The following SPAG16 variants were observed in gnomAD, a reference collection of about 807,000 sequenced individuals.
SPAG16 encodes sperm associated antigen 16.
A neutral mutation model predicts 80.4 loss-of-function variants in SPAG16; 86 were observed. The observed-to-expected ratio is 1.07, with a 90% CI of 0.90 to 1.28. The LOEUF (loss-of-function observed/expected upper bound fraction) is 1.28. Ranked by LOEUF, SPAG16 falls within the 50% of genes most tolerant of loss-of-function variation. The probability of loss-of-function intolerance (pLI) is 0.00; values close to 1 mark genes in which losing one functional copy is unlikely to be tolerated. For synonymous variants in SPAG16, 294 were observed against 265.9 expected, an observed-to-expected ratio of 1.11 and a Z score of -1.03; for missense variants, 870 against 765.3, an observed-to-expected ratio of 1.14 and a Z score of -1.61.
intron 15 of SPAG16, among the ~76,000 whole-genome samples, chr2:214,324,584 A>T (rs1041876972): frequency 2.0e-5 from 3 of 152,178 alleles, no homozygotes; most frequent in African/African-American, 7.2e-5. Context: ...TGAAGAGCCT[A>T]TCAAATAGTA....
chr2:213,519,251 T>G (rs1184371294), intron 10 of SPAG16, among the ~76,000 whole-genome samples: 1 of 152,226 alleles, frequency 6.6e-6, no homozygotes, highest in Non-Finnish European at 1.5e-5. Flanking sequence ...TTCATACCCT[T>G]ACTTTTAAAA....
At chr2:213,677,718 A>G (rs929652217) in intron 10 of SPAG16, among the ~76,000 whole-genome samples, 1 of 152,188 alleles carries the variant, frequency 6.6e-6, no homozygotes, top group Admixed American at 6.5e-5. Context: ...ACGAGACAAA[A>G]GGTCAACAAG....
rs114503130 is a variant in SPAG16, at chr2:213,759,656, G to A, written c.1071-102829G>A. ...ACAAGGAAATGAGAAAGAAATTTAA[G>A]CAAATCACTAAAGAAAATAAAATAG... On this transcript the variant is annotated intron_variant, in intron 10 of 15. Coordinates refer to ENST00000331683, the MANE Select transcript of SPAG16 (RefSeq NM_024532.5). 8.1e-3 allele frequency among the ~76,000 whole-genome samples: 1,223 copies of A among 151,322 alleles called. 6 individuals carry two copies. Among genetic ancestry groups the A allele is most frequent in the Non-Finnish European group, 0.013 (878 of 67,712 alleles).
At chr2:213,624,836 G>T (rs2061905996) in intron 10 of SPAG16, among the ~76,000 whole-genome samples, 2 of 152,140 alleles carry the variant, frequency 1.3e-5, no homozygotes, top group African/African-American at 4.8e-5. Flanking sequence ...TGTTGCCCAG[G>T]CTGGAGTGCA....
At chr2:213,922,237 C>G (rs1329603316) in intron 11 of SPAG16, among the ~76,000 whole-genome samples, 1 of 142,050 alleles carries the variant, frequency 7.0e-6, no homozygotes, top group African/African-American at 2.5e-5. Flanking sequence ...ATTCTTTTTT[C>G]TTTATTTTTG....
intron 10 of SPAG16, 29 bp from the exon 11 acceptor site, chr2:213,862,456 A>G (rs2075510592): frequency 1.9e-6 from 3 of 1,610,274 alleles, no homozygotes; most frequent in Non-Finnish European, 2.5e-6. Flanking sequence ...TTATCTCCCC[A>G]TAACTCTTTT....
intron 14 of SPAG16, among the ~76,000 whole-genome samples, chr2:214,142,080 T>TTA (rs1418713751): frequency 6.6e-6 from 1 of 152,110 alleles, no homozygotes; most frequent in African/African-American, 2.4e-5. Flanking sequence ...GCTTTTATCT[T>TTA]TCAATCTCTG....
chr2:213,604,919 A>G (rs2061201072), intron 10 of SPAG16, among the ~76,000 whole-genome samples: 1 of 148,814 alleles, frequency 6.7e-6, no homozygotes, highest in Non-Finnish European at 1.5e-5. Flanking sequence ...GTAAATATTT[A>G]TTTTATTTAT....
intron 3 of SPAG16, among the ~76,000 whole-genome samples, chr2:213,299,886 C>T (rs891014860): frequency 4.6e-5 from 7 of 151,830 alleles, no homozygotes; most frequent in Non-Finnish European, 5.9e-5. Context: ...TATATATGTT[C>T]GTTAGATTGT....
intron 10 of SPAG16, among the ~76,000 whole-genome samples, chr2:213,690,534 T>C (rs1247100106): frequency 6.6e-6 from 1 of 152,226 alleles, no homozygotes; most frequent in Non-Finnish European, 1.5e-5. Context: ...TGAAGCATGT[T>C]AATAGATGTG....
intron 10 of SPAG16, among the ~76,000 whole-genome samples, chr2:213,811,005 A>C (rs1304330972): frequency 6.6e-6 from 1 of 152,172 alleles, no homozygotes. Flanking sequence ...GAATGTGGAA[A>C]ACAAGGGTGT....
intron 9 of SPAG16, among the ~76,000 whole-genome samples, chr2:213,411,347 G>A (rs977098899): frequency 2.6e-5 from 4 of 152,080 alleles, no homozygotes; most frequent in South Asian, 2.1e-4. Flanking sequence ...TTTGGTGGGC[G>A]ACCATTAATA....
chr2:214,189,488 A>G (rs2057587958), intron 15 of SPAG16, among the ~76,000 whole-genome samples: 2 of 152,080 alleles, frequency 1.3e-5, no homozygotes, highest in South Asian at 4.1e-4. Flanking sequence ...AGTCAGGTAA[A>G]CAGTCTTCTT....
intron 10 of SPAG16, among the ~76,000 whole-genome samples, chr2:213,745,575 T>G (rs567064679): frequency 6.6e-6 from 1 of 152,170 alleles, no homozygotes; most frequent in Non-Finnish European, 1.5e-5. Context: ...TATCATGATT[T>G]TATATTTAAG....
At chr2:213,979,621 A>G (rs567032753) in intron 12 of SPAG16, among the ~76,000 whole-genome samples, 1 of 152,122 alleles carries the variant, frequency 6.6e-6, no homozygotes, top group Admixed American at 6.6e-5. Context: ...TGAGAACAGC[A>G]TGGGGGAAAC....
intron 3 of SPAG16, among the ~76,000 whole-genome samples, chr2:213,306,294 T>C (rs1335045578): frequency 2.7e-5 from 2 of 73,126 alleles, no homozygotes; most frequent in East Asian, 4.3e-4. Context: ...ACATTTGTTT[T>C]ATTGATCTAT....
chr2:213,380,746 T>C (rs1193558199), intron 9 of SPAG16, among the ~76,000 whole-genome samples: 2 of 152,158 alleles, frequency 1.3e-5, no homozygotes, highest in Non-Finnish European at 2.9e-5. Context: ...CCAAGAGGCC[T>C]CCGCTGTGAT....
At chr2:213,469,749 C>G (rs1378039361) in intron 9 of SPAG16, among the ~76,000 whole-genome samples, 1 of 151,998 alleles carries the variant, frequency 6.6e-6, no homozygotes, top group Non-Finnish European at 1.5e-5. Context: ...TCCACGTATA[C>G]TGTTCCTTAC....
At chr2:213,633,958 T>G (rs751441529) in intron 10 of SPAG16, among the ~76,000 whole-genome samples, 2 of 152,124 alleles carry the variant, frequency 1.3e-5, no homozygotes, top group Non-Finnish European at 2.9e-5. Flanking sequence ...CCATTAAGAT[T>G]TTGTTTTGTC....
Sources: gnomAD v4.1 joint callset for allele counts (sites outside exome capture counted in the v4.1 genomes callset) on GRCh38, gnomAD v4.1.1 for gene constraint, MANE v1.5 for transcripts, NCBI Gene and HGNC (gene_info 2026-07-23, HGNC 2026-07-21) for gene names.